GSN: variants seen among roughly 807,000 people sequenced by gnomAD.
GSN encodes the protein actin-depolymerizing factor.
Under a neutral mutation model 85.7 loss-of-function variants are expected in GSN, and 56 were observed. The observed-to-expected ratio is 0.65, with a 90% CI of 0.53 to 0.82. GSN has a LOEUF of 0.82. Among genes scored for constraint, GSN ranks in the 40% least tolerant of loss-of-function variants. GSN has a pLI of 0.00. For missense variants in GSN, 857 were observed against 979.8 expected (o/e 0.87, Z 1.67); for synonymous variants, 373 against 399.1 (o/e 0.93, Z 0.78).
chr9:121,292,122 A>G (rs746231138), intron 2 of GSN, among the ~76,000 whole-genome samples: 1 of 151,994 alleles, frequency 6.6e-6, no homozygotes, highest in Non-Finnish European at 1.5e-5. Context: ...TTCTCAAACT[A>G]CTGGGTTTAA....
chr9:121,331,517 G>A lies in GSN; in HGVS notation c.2026+69G>A, dbSNP rs758999340. On this transcript the variant is annotated intron_variant, in intron 17 of 17. Transcript: ENST00000432226. ...TTGTGGGGTGCTGGGAGTGGCTCCT[G>A]TACAGGTCTGGGAATGAGCATCTTT... 3.3e-6 allele frequency: 3 copies of A among 903,476 alleles called. No homozygotes were observed. In the South Asian group the frequency reaches 4.2e-5, roughly 13 times the overall value. 56.0% of individuals were successfully genotyped at this position (903,476 alleles called of 1,614,324 possible).
At chr9:121,323,665 C>G (rs938952896) in intron 11 of GSN, among the ~76,000 whole-genome samples, 1 of 152,174 alleles carries the variant, frequency 6.6e-6, no homozygotes, top group African/African-American at 2.4e-5. Flanking sequence ...CCATCGTGCC[C>G]GGCCCCCACT....
intron 1 of GSN, among the ~76,000 whole-genome samples, chr9:121,270,459 C>T (rs1484208203): frequency 6.6e-6 from 1 of 152,172 alleles, no homozygotes; most frequent in Non-Finnish European, 1.5e-5. Flanking sequence ...GCAGTGGCCA[C>T]TGGGATGGGT....
At chr9:121,250,652 C>T (rs1564357955) in intron 6 of GSN, among the ~76,000 whole-genome samples, 1 of 151,836 alleles carries the variant, frequency 6.6e-6, no homozygotes, top group Non-Finnish European at 1.5e-5. Context: ...ATCCTCCTAC[C>T]TTAGGCTCCC....
chr9:121,222,911 C>T (rs760338483), intron 4 of GSN: 13 of 152,002 alleles, frequency 8.6e-5, no homozygotes, highest in African/African-American at 2.7e-4. Context: ...GGGTCTTACA[C>T]ATTGGCATGC....
intron 5 of GSN, chr9:121,239,255 A>G (rs2054555368): frequency 2.7e-6 from 1 of 373,290 alleles, no homozygotes; most frequent in Non-Finnish European, 5.2e-6. Flanking sequence ...AGGATAACCA[A>G]TACATGTTTC....
At chr9:121,331,597 C>G (rs994215438) in intron 17 of GSN, 149 bp downstream of exon 17, 1 of 623,386 alleles carries the variant, frequency 1.6e-6, no homozygotes, top group African/African-American at 1.8e-5. Context: ...TGGGCCAGCC[C>G]CTCATAAATC....
At chr9:121,274,958 A>T (rs1385575871) in intron 1 of GSN, among the ~76,000 whole-genome samples, 2 of 152,224 alleles carry the variant, frequency 1.3e-5, no homozygotes, top group African/African-American at 4.8e-5. Context: ...TGGCCAAGCA[A>T]ATAATCTGTG....
At chr9:121,257,190 T>TTA (rs952241790) in intron 6 of GSN, among the ~76,000 whole-genome samples, 17 of 152,130 alleles carry the variant, frequency 1.1e-4, no homozygotes, top group African/African-American at 3.9e-4. Context: ...CAAGTAATCA[T>TTA]TATATATATA....
chr9:121,216,386 A>G (rs1214143464), intron 4 of GSN, among the ~76,000 whole-genome samples: 4 of 152,324 alleles, frequency 2.6e-5, no homozygotes, highest in Admixed American at 1.3e-4. Flanking sequence ...GAAACTGCCA[A>G]CAACTACCTC....
chr9:121,288,431 C>G (rs1340390456), intron 2 of GSN, among the ~76,000 whole-genome samples: 1 of 152,176 alleles, frequency 6.6e-6, no homozygotes, highest in African/African-American at 2.4e-5. Context: ...GTACGCAGGG[C>G]ACAGGACATA....
At chr9:121,315,874 TA>T (rs2061656390) in intron 7 of GSN, among the ~76,000 whole-genome samples, 1 of 152,254 alleles carries the variant, frequency 6.6e-6, no homozygotes, top group Admixed American at 6.5e-5. Context: ...GCAAGTTCCT[TA>T]ACCACTCTGT....
At chr9:121,227,261 G>C (rs1034487207) in intron 4 of GSN, among the ~76,000 whole-genome samples, 3 of 152,134 alleles carry the variant, frequency 2.0e-5, no homozygotes, top group Admixed American at 6.6e-5. Flanking sequence ...AGGCGTGGTG[G>C]TGCGTGCCTG....
Position 121,322,807 on chromosome 9 carries a change from CT to C in GSN, c.1325+1411del, listed in dbSNP as rs151141099. On this transcript the variant is annotated intron_variant, in intron 11 of 17. Transcript: ENST00000432226. ...ATTTCTCTTACTATACAGTCTAAAA[CT>C]TTTTGTCTGATTATTGACTGTTGGA... Among the ~76,000 whole-genome samples, 1,179 of 148,184 alleles carry C rather than the reference CT, an allele frequency of 8.0e-3. 9 individuals carry two copies. The highest frequency in any genetic ancestry group is 0.025 in the African/African-American group (1,019 of 40,620).
At chr9:121,225,591 A>G (rs2054257789) in intron 4 of GSN, among the ~76,000 whole-genome samples, 1 of 152,214 alleles carries the variant, frequency 6.6e-6, no homozygotes, top group African/African-American at 2.4e-5. Context: ...CTTTTCCTCC[A>G]AAGTGGAAAA....
chr9:121,282,651 G>A (rs2057528372), intron 2 of GSN: 1 of 517,526 alleles, frequency 1.9e-6, no homozygotes, highest in Admixed American at 4.2e-5. Context: ...CCCATCAGCG[G>A]CTATCCAAAG....
intron 2 of GSN, among the ~76,000 whole-genome samples, chr9:121,287,769 C>T (rs1317728873): frequency 6.6e-6 from 1 of 150,870 alleles, no homozygotes; most frequent in African/African-American, 2.4e-5. Context: ...AATTTACATA[C>T]ACATAATTCA....
Position 121,302,994 on chromosome 9 carries a change from C to T in GSN, c.280C>T (p.Gln94Ter), listed in dbSNP as rs2060047254. ...TGACTACCTGAACGGCCGGGCCGTG[C>T]AGCACCGTGAGGTCCAGGGCTTCGA... ...LDDYLNGRAVQHREVQGFESA... is the reference protein window; with the variant it reads ...LDDYLNGRAV The change falls in exon 4 of 18, where the codon CAG (glutamine) becomes TAG (stop). Residue 94 changes from glutamine to a stop codon, truncating the protein, a stop_gained. Transcript: ENST00000432226. LOFTEE classifies it high-confidence loss of function. 1 of 1,613,860 alleles carries T rather than the reference C, an allele frequency of 6.2e-7. No homozygotes were observed. Among genetic ancestry groups the T allele is most frequent in the Admixed American group, 1.7e-5 (1 of 60,010 alleles).
At chr9:121,225,628 C>A (rs969842604) in intron 4 of GSN, among the ~76,000 whole-genome samples, 2 of 152,208 alleles carry the variant, frequency 1.3e-5, no homozygotes, top group Non-Finnish European at 1.5e-5. Flanking sequence ...ACTAGCCACA[C>A]CCAGATTAGA....
Sources: allele counts gnomAD v4.1 joint callset (sites outside exome capture counted in the v4.1 genomes callset), GRCh38; gene constraint gnomAD v4.1.1; transcripts MANE v1.5; gene names NCBI Gene and HGNC (gene_info 2026-07-23, HGNC 2026-07-21).